CLN6: variants seen among roughly 807,000 people sequenced by gnomAD.
CLN6 encodes the protein ceroid-lipofuscinosis neuronal protein 6.
Under a neutral mutation model 33.3 loss-of-function variants are expected in CLN6, and 22 were observed. That is an observed-to-expected ratio of 0.66 (90% CI 0.47 to 0.94). CLN6 has a LOEUF of 0.94. CLN6 is among the 40% of genes least tolerant of loss of function. The probability of loss-of-function intolerance (pLI) is 0.00; values close to 1 mark genes in which losing one functional copy is unlikely to be tolerated. For missense variants in CLN6, 387 were observed against 417.1 expected (o/e 0.93, Z 0.63); for synonymous variants, 201 against 174.6 (o/e 1.15, Z -1.19).
upstream of CLN6, among the ~76,000 whole-genome samples, chr15:68,232,906 G>A (rs918308157): frequency 1.1e-4 from 17 of 152,148 alleles, no homozygotes; most frequent in African/African-American, 3.9e-4. The surrounding 1 kb of genome is among the most constrained non-coding windows in gnomAD (Gnocchi z 4.7). Flanking sequence ...ACTGGGTGTC[G>A]TGGCATGTGC....
upstream of CLN6, among the ~76,000 whole-genome samples, chr15:68,230,958 C>CT (rs1285539593): frequency 3.3e-5 from 5 of 152,216 alleles, no homozygotes; most frequent in Non-Finnish European, 7.3e-5. This position sits in a 1 kb window ranked among gnomAD's most constrained non-coding sequence, Gnocchi z 4.0. Context: ...CCTCAAGCCG[C>CT]TGCAGAAGGG....
intron 1 of CLN6, among the ~76,000 whole-genome samples, chr15:68,229,109 T>G (rs1213640007): frequency 4.0e-5 from 6 of 150,530 alleles, no homozygotes; most frequent in African/African-American, 1.2e-4. Context: ...GCCCGGAACT[T>G]GCGGATAAGT....
upstream of CLN6, among the ~76,000 whole-genome samples, chr15:68,234,659 G>C (rs552651840): frequency 7.2e-5 from 11 of 152,206 alleles, no homozygotes; most frequent in South Asian, 8.3e-4. The surrounding 1 kb of genome is among the most constrained non-coding windows in gnomAD (Gnocchi z 4.1). Context: ...AAGCTGAGAG[G>C]CTCCCAGAGC....
At chr15:68,243,929 G>A (rs1040054237) in intron 1 of CLN6, among the ~76,000 whole-genome samples, 20 of 151,916 alleles carry the variant, frequency 1.3e-4, no homozygotes, top group African/African-American at 4.8e-4. Context: ...GCCGGGCCTG[G>A]TGGCGGGCGC....
intron 1 of CLN6, among the ~76,000 whole-genome samples, chr15:68,235,450 T>C (rs548583023): frequency 3.9e-4 from 60 of 152,028 alleles, no homozygotes; most frequent in Admixed American, 1.2e-3. Context: ...TAATGACTTA[T>C]TAGAGTGCTA....
At chr15:68,225,314 T>C (rs2093248651) in intron 1 of CLN6, among the ~76,000 whole-genome samples, 1 of 152,240 alleles carries the variant, frequency 6.6e-6, no homozygotes, top group African/African-American at 2.4e-5. Context: ...ATACACATTT[T>C]ATATTAATTT....
chr15:68,211,947 GT>G lies in CLN6; in HGVS notation c.298-85del. The G allele has an allele frequency of 5.6e-6, 8 of 1,423,054 alleles. No homozygotes were observed. Among genetic ancestry groups the G allele is most frequent in the Non-Finnish European group, 7.8e-6 (8 of 1,026,196 alleles). The allele number at this position is 1,423,054 out of a possible 1,614,324, so 88.2% of individuals were successfully genotyped here. A position where few individuals can be genotyped will look rare whatever the true frequency, so the allele number is the denominator to read the frequency against. Reference sequence around the variant, plus strand: ...CTCTGCTTCCCCCCTCACACCTGGGGTGGGATGGACGCTTCCAGCTGGAATG... The same window carrying G: ...CTCTGCTTCCCCCCTCACACCTGGGGGGGATGGACGCTTCCAGCTGGAATG... On this transcript the variant is annotated intron_variant, in intron 3 of 6. Transcript: ENST00000249806. This position sits in a 1 kb window ranked among gnomAD's most constrained non-coding sequence, Gnocchi z 5.9.
At chr15:68,253,907 G>T (rs1892406193) in intron 1 of CLN6, among the ~76,000 whole-genome samples, 1 of 142,808 alleles carries the variant, frequency 7.0e-6, no homozygotes, top group South Asian at 2.2e-4. Flanking sequence ...TCGCTCTGTC[G>T]CCCAGGCTGG....
At chr15:68,234,570 T>C (rs750984301), upstream of CLN6, among the ~76,000 whole-genome samples, 2 of 152,202 alleles carry the variant, frequency 1.3e-5, no homozygotes, top group Non-Finnish European at 2.9e-5. This position sits in a 1 kb window ranked among gnomAD's most constrained non-coding sequence, Gnocchi z 4.1. Context: ...CCTAGAAGCC[T>C]GCTGTCCCCA....
chr15:68,225,143 G>GA (rs1307840598), intron 1 of CLN6, among the ~76,000 whole-genome samples: 5 of 150,382 alleles, frequency 3.3e-5, no homozygotes, highest in Admixed American at 2.7e-4. Context: ...AGCTTGAACA[G>GA]AAAAAAAACT....
chr15:68,235,223 A>C (rs1224950386), intron 1 of CLN6, among the ~76,000 whole-genome samples: 1 of 151,840 alleles, frequency 6.6e-6, no homozygotes, highest in East Asian at 1.9e-4. Context: ...TCTACCCCAA[A>C]CCACACAGCC....
At chr15:68,250,221 CATCT>C (rs1892364811) in intron 1 of CLN6, among the ~76,000 whole-genome samples, 1 of 151,936 alleles carries the variant, frequency 6.6e-6, no homozygotes, top group South Asian at 2.1e-4. Context: ...AAAATATGTA[CATCT>C]ATTATATATC....
Position 68,244,945 on chromosome 15 carries a change from T to A in CLN6, c.179+11745A>T, listed in dbSNP as rs188806448. ...GGTGCACACCTATAATCCCACCTAC[T>A]TGGGACGCTGAGGCAGGAGAATCAC... On this transcript the variant is annotated intron_variant, in intron 1 of 6. Coordinates refer to the CLN6 transcript ENST00000538696. Among the ~76,000 whole-genome samples, 167 of 148,414 alleles carry A rather than the reference T, an allele frequency of 1.1e-3. 1 individual carries two copies. Among genetic ancestry groups the A allele is most frequent in the African/African-American group, 4.0e-3 (162 of 40,036 alleles).
Position 68,210,060 on chromosome 15 carries a change from C to T in CLN6, c.543-301G>A, listed in dbSNP as rs926556594. Among the ~76,000 whole-genome samples, 1 of 152,138 alleles carries T rather than the reference C, an allele frequency of 6.6e-6. No homozygotes were observed. Among genetic ancestry groups the T allele is most frequent in the Non-Finnish European group, 1.5e-5 (1 of 68,014 alleles). ...TGTCTGGGGGGTTGTCTGTCTCATGCACCGCAGACACCAGCAGCCCAGCAC... is the reference window on the plus strand; with the variant it reads ...TGTCTGGGGGGTTGTCTGTCTCATGTACCGCAGACACCAGCAGCCCAGCAC... On this transcript the variant is annotated intron_variant, in intron 5 of 6. Coordinates refer to ENST00000249806, the MANE Select transcript of CLN6 (RefSeq NM_017882.3). The surrounding 1 kb of genome is among the most constrained non-coding windows in gnomAD (Gnocchi z 5.6).
chr15:68,222,439 C>T (rs1251300196), intron 1 of CLN6, among the ~76,000 whole-genome samples: 1 of 148,054 alleles, frequency 6.8e-6, no homozygotes, highest in Non-Finnish European at 1.5e-5. Flanking sequence ...AGCGCCTCTG[C>T]CCGGCCGCCC....
At chr15:68,213,238 TTTTC>T (rs1200864809) in intron 3 of CLN6, 1 of 150,054 alleles carries the variant, frequency 6.7e-6, no homozygotes, top group Non-Finnish European at 1.5e-5. Context: ...TTTTGTATTT[TTTTC>T]TTTTTCTTTT....
Position 68,256,301 on chromosome 15 carries a change from G to A in CLN6, c.179+389C>T, listed in dbSNP as rs1799447356. Among the ~76,000 whole-genome samples the A allele has an allele frequency of 6.6e-6, 1 of 151,622 alleles. No individual in the cohort carries two copies. Among genetic ancestry groups the A allele is most frequent in the Admixed American group, 6.6e-5 (1 of 15,212 alleles). ...TTTTTGTATTTTTAGTAGAGGCGGGGTTTCACTATGTTGGCCAGGCTGGTT... is the reference window on the plus strand; with the variant it reads ...TTTTTGTATTTTTAGTAGAGGCGGGATTTCACTATGTTGGCCAGGCTGGTT... On this transcript the variant is annotated intron_variant, in intron 1 of 6. Coordinates refer to the CLN6 transcript ENST00000538696. The surrounding 1 kb of genome is among the most constrained non-coding windows in gnomAD (Gnocchi z 4.1).
At chr15:68,231,977 C>T (rs1405566999), upstream of CLN6, among the ~76,000 whole-genome samples, 1 of 152,146 alleles carries the variant, frequency 6.6e-6, no homozygotes, top group Non-Finnish European at 1.5e-5. Flanking sequence ...TTGTGATTAT[C>T]TGAGAACATG....
In CLN6 at chr15:68,253,177, T is replaced by C. The variant is rs576908584; in HGVS notation, c.179+3513A>G. Among the ~76,000 whole-genome samples the C allele has an allele frequency of 5.3e-5, 8 of 152,328 alleles. No individual in the cohort carries two copies. In the South Asian group the frequency reaches 1.7e-3, roughly 32 times the overall value. ...CTGGTGTAAATGGACATGTACCTAA[T>C]AGCTTTCTAGCAGCATTCTAATTTC... On this transcript the variant is annotated intron_variant, in intron 1 of 6. Coordinates refer to the CLN6 transcript ENST00000538696.
Sources: gnomAD v4.1 joint callset for allele counts (sites outside exome capture counted in the v4.1 genomes callset) on GRCh38, gnomAD v4.1.1 for gene constraint, Gnocchi (gnomAD v3.1) non-coding constraint, MANE v1.5 for transcripts, NCBI Gene and HGNC (gene_info 2026-07-23, HGNC 2026-07-21) for gene names.